PLA2G7: variants seen among roughly 807,000 people sequenced by gnomAD.
PLA2G7 encodes the protein phospholipase A2 group VII, also known as platelet-activating factor acetylhydrolase.
Under a neutral mutation model 49.6 loss-of-function variants are expected in PLA2G7, and 63 were observed. The ratio of observed to expected loss-of-function variants is 1.27; its 90% CI spans 1.04 to 1.57. The LOEUF is 1.57. Ranked by LOEUF, PLA2G7 falls within the 40% of genes most tolerant of loss-of-function variation. PLA2G7 has a pLI of 0.00. For synonymous variants in PLA2G7, 193 were observed against 169.9 expected, an observed-to-expected ratio of 1.14 and a Z score of -1.06; for missense variants, 596 against 521.2, an observed-to-expected ratio of 1.14 and a Z score of -1.40.
chr6:46,723,353 C>G (rs1474188818), intron 1 of PLA2G7, among the ~76,000 whole-genome samples: 1 of 151,994 alleles, frequency 6.6e-6, no homozygotes, highest in African/African-American at 2.4e-5. Context: ...TATATAGTGA[C>G]TATATTTCTG....
chr6:46,729,496 C>T (rs972305076), intron 1 of PLA2G7, among the ~76,000 whole-genome samples: 14 of 152,200 alleles, frequency 9.2e-5, no homozygotes, highest in African/African-American at 3.1e-4. Flanking sequence ...CATACAGTTA[C>T]CCTTCTAAGC....
chr6:46,709,370 C>T lies in PLA2G7; in HGVS notation c.826G>A (p.Gly276Arg). 3 of 1,608,352 alleles carry T rather than the reference C, an allele frequency of 1.9e-6. No individual in the cohort carries two copies. Among genetic ancestry groups the T allele is most frequent in the Middle Eastern group, 1.7e-4 (1 of 6,050 alleles). The change falls in exon 9 of 12, where the codon GGA becomes AGA. Residue 276 changes from glycine (G) to arginine (R), a missense_variant. By Grantham distance (125) the Gly-to-Arg change is moderately radical (BLOSUM62 -2). Transcript: ENST00000274793. ...KIAVIGHSFG[G>R]ATVIQTLSED... ...CTAAGAGTCTGAATAACCGTTGCTCCACCAAAAGAATGTCCAATTACTGCT... is the reference window on the plus strand; with the variant it reads ...CTAAGAGTCTGAATAACCGTTGCTCTACCAAAAGAATGTCCAATTACTGCT...
At chr6:46,723,356 T>C (rs1765463634) in intron 1 of PLA2G7, among the ~76,000 whole-genome samples, 1 of 152,228 alleles carries the variant, frequency 6.6e-6, no homozygotes, top group African/African-American at 2.4e-5. Context: ...ATAGTGACTA[T>C]ATTTCTGCTG....
rs1764713093 is a variant in PLA2G7, at chr6:46,704,410, AAT to A, written c.*148_*149del. On this transcript the variant is annotated 3_prime_UTR_variant, in exon 12 of 12. Transcript: ENST00000274793. ...GATTACAGTATAGCCTACATTTTAA[AAT>A]ATGAGTCCTTTGGGAAAATACATTA... The A allele has an allele frequency of 1.5e-6, 1 of 660,784 alleles. No individual in the cohort carries two copies. Among genetic ancestry groups the A allele is most frequent in the African/African-American group, 1.8e-5 (1 of 55,548 alleles). 40.9% of individuals were successfully genotyped at this position (660,784 alleles called of 1,614,324 possible). A position where few individuals can be genotyped will look rare whatever the true frequency, so the allele number is the denominator to read the frequency against.
chr6:46,734,457 A>T (rs1266785003), intron 1 of PLA2G7, among the ~76,000 whole-genome samples: 5,626 of 124,746 alleles, frequency 0.045, 1,035 homozygotes, highest in African/African-American at 0.16. Context: ...AGAGAGAGAG[A>T]GAGAGAGAGA....
intron 5 of PLA2G7, 72 bp downstream of exon 5, chr6:46,714,388 T>C: frequency 1.1e-6 from 1 of 913,830 alleles, no homozygotes; most frequent in Non-Finnish European, 1.8e-6. Flanking sequence ...CAAACTCTGC[T>C]ATTTCTTTCT....
In PLA2G7 at chr6:46,704,478, TCACACACA is replaced by T. The variant is rs367858800; in HGVS notation, c.*74_*81del. 0.016 allele frequency: 1,395 copies of T among 87,738 alleles called. 138 individuals are homozygous for T. The highest frequency in any genetic ancestry group is 0.059 in the South Asian group (307 of 5,240). 5.4% of individuals were successfully genotyped at this position (87,738 alleles called of 1,614,324 possible). A position where few individuals can be genotyped will look rare whatever the true frequency, so the allele number is the denominator to read the frequency against. On this transcript the variant is annotated 3_prime_UTR_variant, in exon 12 of 12. Coordinates refer to ENST00000274793, the MANE Select transcript of PLA2G7 (RefSeq NM_005084.4). ...CTCTCTCTCTCTCTCTCTCTCTCTC[TCACACACA>T]CACACACACACACACACACACACAT...
chr6:46,731,668 A>T (rs1308381496), intron 1 of PLA2G7, among the ~76,000 whole-genome samples: 6 of 152,250 alleles, frequency 3.9e-5, no homozygotes, highest in Admixed American at 6.5e-5. Context: ...TAAGACATCA[A>T]ATTTATTAAA....
intron 10 of PLA2G7, among the ~76,000 whole-genome samples, chr6:46,705,873 C>T (rs751465040): frequency 6.6e-5 from 10 of 152,160 alleles, no homozygotes; most frequent in Non-Finnish European, 1.3e-4. Context: ...TCGTTTTCTA[C>T]CACCACTGGG....
At chr6:46,727,516 A>G (rs1304415968) in intron 1 of PLA2G7, among the ~76,000 whole-genome samples, 1 of 152,218 alleles carries the variant, frequency 6.6e-6, no homozygotes, top group East Asian at 1.9e-4. Context: ...GGCATGTGGC[A>G]GGTTGAATAA....
intron 1 of PLA2G7, among the ~76,000 whole-genome samples, chr6:46,731,555 C>T (rs9381475): frequency 0.21 from 32,290 of 151,900 alleles, 3,834 homozygotes; most frequent in South Asian, 0.46. Context: ...CATTTTGTGA[C>T]GACTTGTTTT....
Position 46,717,708 on chromosome 6 carries a change from TCTTTTTC to T in PLA2G7, c.110-619_110-613del, listed in dbSNP as rs755634117. On this transcript the variant is annotated intron_variant, in intron 2 of 11. Transcript: ENST00000274793. Reference sequence around the variant, plus strand: ...CGGAGCCTCTATTTTCTTTCTTTTTTCTTTTTCTTTTTTTTTTTTTTTGAGACAGAGT... The same window carrying T: ...CGGAGCCTCTATTTTCTTTCTTTTTTTTTTTTTTTTTTTTTGAGACAGAGT... Among the ~76,000 whole-genome samples the T allele has an allele frequency of 6.9e-3, 598 of 86,704 alleles. 1 individual carries two copies. Among genetic ancestry groups the T allele is most frequent in the African/African-American group, 0.026 (473 of 18,066 alleles). The allele number at this position is 86,704 out of a possible 152,430, so 56.9% of individuals were successfully genotyped here.
Position 46,704,758 on chromosome 6 carries a change from C to T in PLA2G7, c.1190-62G>A, listed in dbSNP as rs1390084748. ...TTTGAGAGCATTAAACAGTTTGGTG[C>T]CCCTAGGTGGCAATAAAGATTTACA... On this transcript the variant is annotated intron_variant, in intron 11 of 11. Coordinates refer to ENST00000274793, the MANE Select transcript of PLA2G7 (RefSeq NM_005084.4). 8.9e-6 allele frequency: 9 copies of T among 1,016,144 alleles called. No homozygotes were observed. In the East Asian group the frequency reaches 1.7e-4, roughly 19 times the overall value. The allele number at this position is 1,016,144 out of a possible 1,614,324, so 62.9% of individuals were successfully genotyped here. A position where few individuals can be genotyped will look rare whatever the true frequency, so the allele number is the denominator to read the frequency against.
At chr6:46,713,567 A>G (rs1407427287) in intron 5 of PLA2G7, among the ~76,000 whole-genome samples, 1 of 152,194 alleles carries the variant, frequency 6.6e-6, no homozygotes, top group Non-Finnish European at 1.5e-5. Flanking sequence ...GCTGAACTAC[A>G]TTTACAGTGC....
chr6:46,709,360 A>G lies in PLA2G7; in HGVS notation c.836T>C (p.Val279Ala). The part of the protein sequence containing the change: ...VIGHSFGGAT[V>A]IQTLSEDQRF... Reference sequence around the variant, plus strand: ...CTGATCTTCACTAAGAGTCTGAATAACCGTTGCTCCACCAAAAGAATGTCC... The same window carrying G: ...CTGATCTTCACTAAGAGTCTGAATAGCCGTTGCTCCACCAAAAGAATGTCC... Residue 279 changes from valine to alanine, a missense_variant, in exon 9 of 12, where the codon GTT becomes GCT. Coordinates refer to ENST00000274793, the MANE Select transcript of PLA2G7 (RefSeq NM_005084.4). 1 of 1,607,758 alleles carries G rather than the reference A, an allele frequency of 6.2e-7. No individual in the cohort carries two copies. The highest frequency in any genetic ancestry group is 1.3e-5 in the African/African-American group (1 of 74,896).
In PLA2G7 at chr6:46,725,388, T is replaced by C. The variant is rs994129807; in HGVS notation, c.-34-2463A>G. Among the ~76,000 whole-genome samples, 4 of 152,060 alleles carry C rather than the reference T, an allele frequency of 2.6e-5. No homozygotes were observed. In the South Asian group the frequency reaches 6.2e-4, roughly 24 times the overall value. Reference sequence around the variant, plus strand: ...CTGGGACTATAGGTGCCCACCTCCATGCCCGGCTAATTTTTGTATTTTTAG... The same window carrying C: ...CTGGGACTATAGGTGCCCACCTCCACGCCCGGCTAATTTTTGTATTTTTAG... On this transcript the variant is annotated intron_variant, in intron 1 of 11. Transcript: ENST00000274793.
At position 46,714,476 on chromosome 6, in the gene PLA2G7, C is replaced by A. The variant is rs769767027; in HGVS notation, c.454G>T (p.Gly152Cys). 4.3e-6 allele frequency: 7 copies of A among 1,610,180 alleles called. No individual in the cohort carries two copies. The South Asian group carries it at 7.7e-5, about 18-fold the overall frequency. The change falls in exon 5 of 12, where the codon GGT becomes TGT. Residue 152 changes from glycine (G) to cysteine (C), a missense_variant. By Grantham distance (159) the Gly-to-Cys change is radical (BLOSUM62 -3). Coordinates refer to ENST00000274793, the MANE Select transcript of PLA2G7 (RefSeq NM_005084.4). ...AAACATTACCTGAATGCCCCAAGAC[C>A]ATGAGAAAAAACAACAAGTGGATAT... is the stretch of plus-strand genomic sequence containing the variant. The part of the protein sequence containing the change: ...EKYPLVVFSH[G>C]LGAFRTLYSA...
rs200125653 is a variant in PLA2G7 at position 46,717,003 on chromosome 6, G to A, written c.203C>T (p.Thr68Ile). ...ATTAGTGTGATCAAACATTAAGTCT[G>A]TACAACCAACGGAATAAGGCCCATT... is the stretch of plus-strand genomic sequence containing the variant. Reference protein sequence around the residue: ...RGNGPYSVGCTDLMFDHTNKG... With the variant: ...RGNGPYSVGCIDLMFDHTNKG... Residue 68 changes from threonine to isoleucine, a missense_variant, in exon 3 of 12, where the codon ACA becomes ATA. Thr to Ile is a moderately conservative substitution (Grantham distance 89, BLOSUM62 -1). Coordinates refer to ENST00000274793, the MANE Select transcript of PLA2G7 (RefSeq NM_005084.4). 6.2e-6 allele frequency: 10 copies of A among 1,613,464 alleles called. No homozygotes were observed. In the African/African-American group the frequency reaches 1.1e-4, roughly 17 times the overall value.
chr6:46,719,779 C>A (rs78120505), intron 2 of PLA2G7, among the ~76,000 whole-genome samples: 2,056 of 152,274 alleles, frequency 0.014, 90 homozygotes, highest in East Asian at 0.13. Flanking sequence ...CAAAACATGA[C>A]ACATAAGGGG....
Sources: allele counts gnomAD v4.1 joint callset (sites outside exome capture counted in the v4.1 genomes callset), GRCh38; gene constraint gnomAD v4.1.1; transcripts MANE v1.5; gene names NCBI Gene and HGNC (gene_info 2026-07-23, HGNC 2026-07-21).